LSAMP: variants seen among roughly 807,000 people sequenced by gnomAD.
LSAMP encodes the protein limbic system-associated membrane protein.
Under a neutral mutation model 38.6 loss-of-function variants are expected in LSAMP, and 7 were observed. The ratio of observed to expected loss-of-function variants is 0.18; its 90% CI spans 0.10 to 0.34. The LOEUF (loss-of-function observed/expected upper bound fraction) is 0.34. Ranked by LOEUF, LSAMP falls within the 10% of genes least tolerant of loss-of-function variation. LSAMP has a pLI of 1.00. For missense variants in LSAMP, 313 were observed against 420.0 expected (o/e 0.75, Z 2.23); for synonymous variants, 154 against 166.8 (o/e 0.92, Z 0.59).
At chr3:116,037,775 T>C (rs916159394) in intron 2 of LSAMP, among the ~76,000 whole-genome samples, 22 of 152,040 alleles carry the variant, frequency 1.4e-4, no homozygotes, top group African/African-American at 5.1e-4. Context: ...CCTTTATAGT[T>C]TGTATGTGCA....
chr3:115,901,408 G>A (rs943127391), intron 3 of LSAMP, among the ~76,000 whole-genome samples: 3 of 152,160 alleles, frequency 2.0e-5, no homozygotes, highest in Middle Eastern at 6.8e-3. Context: ...GATGCTTCCC[G>A]AAATAGTGTT....
At chr3:116,042,590 C>T (rs1315846766) in intron 2 of LSAMP, among the ~76,000 whole-genome samples, 3 of 151,934 alleles carry the variant, frequency 2.0e-5, no homozygotes, top group Non-Finnish European at 2.9e-5. Flanking sequence ...CCACCATGCC[C>T]GGTTAATTTT....
intron 1 of LSAMP, among the ~76,000 whole-genome samples, chr3:116,233,909 C>T (rs1349342045): frequency 6.6e-6 from 1 of 152,156 alleles, no homozygotes; most frequent in Non-Finnish European, 1.5e-5. Flanking sequence ...TTCCAGAAGG[C>T]ATAACAACAT....
At chr3:116,177,242 T>A (rs2107563237) in intron 1 of LSAMP, among the ~76,000 whole-genome samples, 1 of 152,208 alleles carries the variant, frequency 6.6e-6, no homozygotes, top group South Asian at 2.1e-4. Flanking sequence ...GAACAATAAT[T>A]TCCAAGGCTG....
chr3:116,317,666 C>A (rs1316805874), intron 1 of LSAMP, among the ~76,000 whole-genome samples: 1 of 151,680 alleles, frequency 6.6e-6, no homozygotes, highest in Non-Finnish European at 1.5e-5. Flanking sequence ...CAAAGACAGC[C>A]CAATCTCATC....
chr3:115,872,232 G>C (rs758637315), intron 3 of LSAMP, among the ~76,000 whole-genome samples: 8 of 152,072 alleles, frequency 5.3e-5, no homozygotes, highest in Non-Finnish European at 1.0e-4. Flanking sequence ...TATGCTAATG[G>C]GAAAGGTTAT....
intron 3 of LSAMP, among the ~76,000 whole-genome samples, chr3:115,985,446 A>G (rs1256477839): frequency 2.6e-5 from 4 of 152,202 alleles, no homozygotes; most frequent in African/African-American, 4.8e-5. Context: ...AAAGAAGTTC[A>G]AAAACTTTGC....
At chr3:116,124,277 C>T (rs1437451487) in intron 1 of LSAMP, among the ~76,000 whole-genome samples, 1 of 152,152 alleles carries the variant, frequency 6.6e-6, no homozygotes, top group Non-Finnish European at 1.5e-5. Flanking sequence ...AGAAGACCTA[C>T]CATTCATATA....
intron 3 of LSAMP, among the ~76,000 whole-genome samples, chr3:115,896,721 C>T (rs1251771248): frequency 6.6e-6 from 1 of 152,070 alleles, no homozygotes; most frequent in African/African-American, 2.4e-5. Flanking sequence ...TACTGTTCTC[C>T]TCATTTTTCT....
intron 3 of LSAMP, among the ~76,000 whole-genome samples, chr3:115,989,354 T>C (rs1939602501): frequency 6.6e-6 from 1 of 152,122 alleles, no homozygotes; most frequent in East Asian, 1.9e-4. Flanking sequence ...AGAAAAATAT[T>C]AGTATTCCGT....
intron 1 of LSAMP, among the ~76,000 whole-genome samples, chr3:116,252,950 C>T (rs1053456877): frequency 2.0e-5 from 3 of 152,180 alleles, no homozygotes; most frequent in African/African-American, 7.2e-5. Flanking sequence ...AATAACCTGA[C>T]CATCTTAAGA....
intron 1 of LSAMP, among the ~76,000 whole-genome samples, chr3:116,150,105 G>A (rs1340876319): frequency 6.6e-6 from 1 of 152,006 alleles, no homozygotes; most frequent in Non-Finnish European, 1.5e-5. Flanking sequence ...AAGCCATTTA[G>A]TGTGTTTTAA....
chr3:115,871,674 C>CCT (rs1936043242), intron 3 of LSAMP, among the ~76,000 whole-genome samples: 4 of 151,320 alleles, frequency 2.6e-5, no homozygotes, highest in African/African-American at 4.9e-5. Context: ...AGGGCTTCAA[C>CCT]CTCCTACTCG....
intron 1 of LSAMP, among the ~76,000 whole-genome samples, chr3:116,298,101 T>A (rs913961813): frequency 6.6e-6 from 1 of 152,238 alleles, no homozygotes; most frequent in Non-Finnish European, 1.5e-5. Flanking sequence ...CATCTAGGTG[T>A]CTGTCTATCT....
At chr3:116,339,783 C>T (rs1336252740) in intron 1 of LSAMP, among the ~76,000 whole-genome samples, 4 of 152,022 alleles carry the variant, frequency 2.6e-5, no homozygotes, top group Non-Finnish European at 5.9e-5. Context: ...CTGACTTCCC[C>T]AGCTGAGATC....
At chr3:116,351,610 T>G (rs2048141053) in intron 1 of LSAMP, among the ~76,000 whole-genome samples, 1 of 152,042 alleles carries the variant, frequency 6.6e-6, no homozygotes, top group Admixed American at 6.6e-5. Flanking sequence ...TTCCCAATAA[T>G]TATAAGAATA....
intron 1 of LSAMP, among the ~76,000 whole-genome samples, chr3:116,180,944 C>T (rs1710471572): frequency 6.6e-6 from 1 of 152,010 alleles, no homozygotes; most frequent in Non-Finnish European, 1.5e-5. Context: ...GAGAGAGCTG[C>T]TGAAATAACA....
rs559561362 is a variant in LSAMP, at chr3:116,242,405, G to A, written c.156-155849C>T. On this transcript the variant is annotated intron_variant, in intron 1 of 6. Transcript: ENST00000490035. ...GTGGGGGAAGGAAACGGCTGGTCAC[G>A]AACTGAAATTTAAAAGCTTTCTGGA... 2.0e-5 allele frequency among the ~76,000 whole-genome samples: 3 copies of A among 152,252 alleles called. No individual in the cohort carries two copies. In the East Asian group the frequency reaches 5.8e-4, roughly 29 times the overall value.
chr3:116,331,592 T>C (rs1559830837), intron 1 of LSAMP, among the ~76,000 whole-genome samples: 1 of 152,022 alleles, frequency 6.6e-6, no homozygotes, highest in South Asian at 2.1e-4. Flanking sequence ...CTGGAAGAAA[T>C]TGAAACATGT....
Sources: allele counts gnomAD v4.1 joint callset (sites outside exome capture counted in the v4.1 genomes callset), GRCh38; gene constraint gnomAD v4.1.1; transcripts MANE v1.5; gene names NCBI Gene and HGNC (gene_info 2026-07-23, HGNC 2026-07-21).